The following COPZ1 variants were observed in gnomAD, a reference collection of about 807,000 sequenced individuals.
COPZ1 encodes coat protein complex I subunit zeta 1.
A neutral mutation model predicts 31.7 loss-of-function variants in COPZ1; 4 were observed. The observed-to-expected ratio is 0.13, with a 90% confidence interval of 0.06 to 0.29. The LOEUF (loss-of-function observed/expected upper bound fraction) is 0.29. Among genes scored for constraint, COPZ1 ranks in the 10% least tolerant of loss-of-function variants. The pLI, the probability that COPZ1 is intolerant of heterozygous loss-of-function variation, is 1.00. For synonymous variants in COPZ1, 74 were observed against 79.0 expected (o/e 0.94, Z 0.33); for missense variants, 156 against 211.5 (o/e 0.74, Z 1.63).
intron 1 of COPZ1, among the ~76,000 whole-genome samples, chr12:54,328,756 A>T (rs1364603737): frequency 6.6e-6 from 1 of 152,172 alleles, no homozygotes; most frequent in Non-Finnish European, 1.5e-5. Flanking sequence ...TTTTAAAACC[A>T]CACTGGTTCT....
At chr12:54,337,137 G>T in intron 1 of COPZ1, 1 of 526,472 alleles carries the variant, frequency 1.9e-6, no homozygotes. Context: ...TTGTTTTCTT[G>T]ATAATAAAAA....
rs967376020 is a variant in COPZ1, at chr12:54,342,391, CT to C, written c.169+113del. ...AAGGATGAAATGACTCTGCCTTTTTCTTTTTTTTTCCTTCTTCCCCTTGTAT... is the reference window on the plus strand; with the variant it reads ...AAGGATGAAATGACTCTGCCTTTTTCTTTTTTTTCCTTCTTCCCCTTGTAT... On this transcript the variant is annotated intron_variant, in intron 3 of 8. Transcript: ENST00000262061. 156 of 820,744 alleles carry C rather than the reference CT, an allele frequency of 1.9e-4. 1 individual carries two copies. The highest frequency in any genetic ancestry group is 2.5e-4 in the South Asian group (16 of 64,976). 50.8% of individuals were successfully genotyped at this position (820,744 alleles called of 1,614,324 possible). A position where few individuals can be genotyped will look rare whatever the true frequency, so the allele number is the denominator to read the frequency against.
chr12:54,350,341 C>T (rs775228349), intron 8 of COPZ1, 135 bp from the exon 9 acceptor site: 1 of 819,662 alleles, frequency 1.2e-6, no homozygotes, highest in Admixed American at 1.7e-5. Flanking sequence ...CTTCCCATCT[C>T]TTTACCCTTG....
chr12:54,349,358 G>A (rs1453382866), intron 7 of COPZ1, among the ~76,000 whole-genome samples: 1 of 152,062 alleles, frequency 6.6e-6, no homozygotes, highest in Non-Finnish European at 1.5e-5. Context: ...TAACCTGCTG[G>A]TTACTCTGAA....
Position 54,342,195 on chromosome 12 carries a change from C to T in COPZ1, c.88-11C>T. ...TAGTGACCCAACCCTGTCTTCTTTC[C>T]CTCTGACCAGTACTATGACGACACC... On this transcript the variant is annotated splice_polypyrimidine_tract_variant and intron_variant, in intron 2 of 8. Coordinates refer to ENST00000262061, the MANE Select transcript of COPZ1 (RefSeq NM_016057.3). 1 of 1,606,610 alleles carries T rather than the reference C, an allele frequency of 6.2e-7. No individual in the cohort carries two copies. Among genetic ancestry groups the T allele is most frequent in the Non-Finnish European group, 8.5e-7 (1 of 1,173,310 alleles).
rs370406871 is a variant in COPZ1 at position 54,325,139 on chromosome 12, A to C, written c.-25A>C. Reference sequence around the variant, plus strand: ...GCGGCGGCGTTTCTTTTGCGGCTCCACGTCGGCACCAGCTGCGGGGCAAGA... The same window carrying C: ...GCGGCGGCGTTTCTTTTGCGGCTCCCCGTCGGCACCAGCTGCGGGGCAAGA... On this transcript the variant is annotated 5_prime_UTR_variant, in exon 1 of 9. Coordinates refer to ENST00000262061, the MANE Select transcript of COPZ1 (RefSeq NM_016057.3). 1.9e-6 allele frequency: 3 copies of C among 1,560,948 alleles called. No individual in the cohort carries two copies. The highest frequency in any genetic ancestry group is 2.6e-6 in the Non-Finnish European group (3 of 1,153,006).
rs1302857639 is a variant in COPZ1, at chr12:54,350,553, C to T, written c.*30C>T. 5.0e-6 allele frequency: 8 copies of T among 1,601,482 alleles called. No individual in the cohort carries two copies. Among genetic ancestry groups the T allele is most frequent in the South Asian group, 1.1e-5 (1 of 90,850 alleles). The stretch of plus-strand genomic sequence containing the variant: ...CTCACTGTTCCTGGCTCTTCATCCT[C>T]TTCAAAAAATTTGCATGTCTGCTGT... On this transcript the variant is annotated 3_prime_UTR_variant, in exon 9 of 9. Transcript: ENST00000262061.
chr12:54,327,952 G>C (rs1447150943), intron 1 of COPZ1, among the ~76,000 whole-genome samples: 1 of 151,658 alleles, frequency 6.6e-6, no homozygotes, highest in Non-Finnish European at 1.5e-5. Flanking sequence ...GTGTGTAGTG[G>C]GTAAGCTGGG....
chr12:54,342,427 T>C (rs1252193764), intron 3 of COPZ1, 140 bp downstream of exon 3: 34 of 661,862 alleles, frequency 5.1e-5, no homozygotes, highest in Non-Finnish European at 8.0e-5. Context: ...TAATAAACTC[T>C]TCAGAATGTA....
intron 5 of COPZ1, chr12:54,346,718 TG>T (rs1954071173): frequency 1.4e-6 from 1 of 698,074 alleles, no homozygotes; most frequent in Non-Finnish European, 2.6e-6. Flanking sequence ...TAGCCAGGTG[TG>T]GTGGTGCATA....
intron 1 of COPZ1, among the ~76,000 whole-genome samples, chr12:54,339,961 G>A (rs1179800225): frequency 6.7e-6 from 1 of 149,092 alleles, no homozygotes; most frequent in Non-Finnish European, 1.5e-5. Flanking sequence ...AGGCTGCATT[G>A]AGAACTGGTG....
rs1953650741 is a variant in COPZ1, at chr12:54,326,643, GTGTGTGTGT to G, written c.18+1463_18+1471del. Among the ~76,000 whole-genome samples the G allele has an allele frequency of 1.6e-3, 36 of 22,916 alleles. No individual in the cohort carries two copies. The Admixed American group carries it at 0.02, about 13-fold the overall frequency. 15.0% of individuals were successfully genotyped at this position (22,916 alleles called of 152,430 possible). A position where few individuals can be genotyped will look rare whatever the true frequency, so the allele number is the denominator to read the frequency against. ...GCCCTATTTTGCGATTTGGAGGGGT[GTGTGTGTGT>G]GTGTGTGTGTGTGTGTGTGTGTGTG... is the stretch of plus-strand genomic sequence containing the variant. On this transcript the variant is annotated intron_variant, in intron 1 of 8. Transcript: ENST00000262061.
At chr12:54,339,071 G>C (rs1953923166) in intron 1 of COPZ1, among the ~76,000 whole-genome samples, 1 of 151,988 alleles carries the variant, frequency 6.6e-6, no homozygotes, top group African/African-American at 2.4e-5. Flanking sequence ...CCAGGAAAGA[G>C]GTAGCAAAGC....
At chr12:54,341,241 T>C (rs1953968383) in intron 2 of COPZ1, among the ~76,000 whole-genome samples, 1 of 152,284 alleles carries the variant, frequency 6.6e-6, no homozygotes, top group South Asian at 2.1e-4. Context: ...CCTGGGTTTT[T>C]CCAGAGAATT....
intron 1 of COPZ1, 58 bp from the exon 2 acceptor site, chr12:54,340,482 AGGTATCT>A: frequency 6.2e-7 from 1 of 1,602,826 alleles, no homozygotes; most frequent in South Asian, 1.1e-5. Flanking sequence ...GACTAGGGGA[AGGTATCT>A]GGTTTACCAG....
At chr12:54,346,337 G>A (rs1193384710) in intron 5 of COPZ1, among the ~76,000 whole-genome samples, 2 of 148,048 alleles carry the variant, frequency 1.4e-5, no homozygotes, top group East Asian at 2.0e-4. Flanking sequence ...GCGTGATCTC[G>A]GCTCACTGCA....
Position 54,347,748 on chromosome 12 carries a change from T to C in COPZ1, c.318-19T>C. On this transcript the variant is annotated intron_variant, in intron 5 of 8. Transcript: ENST00000262061. ...CACATACAAGTTGGTTATTCTCTTC[T>C]CTTCTCTTGGGGACTCAGGAAAAAT... 6.2e-7 allele frequency: 1 copy of C among 1,607,254 alleles called. No individual in the cohort carries two copies. The highest frequency in any genetic ancestry group is 1.3e-5 in the African/African-American group (1 of 74,448).
intron 1 of COPZ1, among the ~76,000 whole-genome samples, chr12:54,328,515 G>C (rs960629648): frequency 2.0e-5 from 3 of 151,964 alleles, no homozygotes; most frequent in African/African-American, 7.3e-5. Context: ...GCGGTGAGCC[G>C]AGATGCGCCA....
intron 4 of COPZ1, among the ~76,000 whole-genome samples, chr12:54,344,220 G>T (rs544567575): frequency 1.3e-5 from 2 of 152,290 alleles, no homozygotes; most frequent in Admixed American, 6.5e-5. Flanking sequence ...GGAGGCCAAG[G>T]TGGGCGGATC....
Sources: gnomAD v4.1 joint callset for allele counts (sites outside exome capture counted in the v4.1 genomes callset) on GRCh38, gnomAD v4.1.1 for gene constraint, MANE v1.5 for transcripts, NCBI Gene and HGNC (gene_info 2026-07-23, HGNC 2026-07-21) for gene names.